PCNX3: variants seen among roughly 807,000 people sequenced by gnomAD.
The protein encoded by PCNX3 is pecanex 3, also known as pecanex-like protein 3.
Under a neutral mutation model 207.2 loss-of-function variants are expected in PCNX3, and 58 were observed. The ratio of observed to expected loss-of-function variants is 0.28; its 90% CI spans 0.23 to 0.35. The LOEUF (loss-of-function observed/expected upper bound fraction) is 0.35. PCNX3 is among the 10% of genes least tolerant of loss of function. The probability of loss-of-function intolerance (pLI) is 1.00; values close to 1 mark genes in which losing one functional copy is unlikely to be tolerated. For missense variants in PCNX3, 2,410 were observed against 2,774.4 expected, an observed-to-expected ratio of 0.87 and a Z score of 2.95; for synonymous variants, 1,337 against 1,183.5, an observed-to-expected ratio of 1.13 and a Z score of -2.66.
chr11:65,634,006 G>C (rs747473387), intron 27 of PCNX3, 120 bp from the exon 28 acceptor site: 5 of 917,396 alleles, frequency 5.5e-6, no homozygotes, highest in African/African-American at 1.7e-5. Flanking sequence ...CTCTAGGAGC[G>C]GGGCATCCCA....
At chr11:65,617,532 T>C (rs533421900) in intron 4 of PCNX3, 23 bp downstream of exon 4, 1 of 1,613,926 alleles carries the variant, frequency 6.2e-7, no homozygotes, top group African/African-American at 1.3e-5. Context: ...TCTTCAGGGT[T>C]GGAGCATAGT....
At chr11:65,627,646 G>A (rs1204795915) in intron 22 of PCNX3, 64 bp downstream of exon 22, 6 of 1,561,906 alleles carry the variant, frequency 3.8e-6, no homozygotes, top group Non-Finnish European at 5.3e-6. Flanking sequence ...ACTTCTGCCT[G>A]GGTGGGAAGA....
chr11:65,619,756 G>T lies in PCNX3; in HGVS notation c.1832G>T (p.Ser611Ile). 1.9e-6 allele frequency: 3 copies of T among 1,567,644 alleles called. No individual in the cohort carries two copies. The highest frequency in any genetic ancestry group is 1.8e-5 in the Admixed American group (1 of 55,160). Reference protein sequence around the residue: ...PASVMGSPPSSLQEAQRGRAA... With the variant: ...PASVMGSPPSILQEAQRGRAA... ...GACCTGGGGCTGACCCTCTCCAGCA[G>T]CCTGCAGGAAGCTCAGCGGGGCCGG... The change falls in exon 8 of 35, where the codon AGC becomes ATC. Residue 611 changes from serine to isoleucine, a missense_variant and splice_region_variant. Around this residue, in one of 8 missense-constraint regions of PCNX3, gnomAD observed 1,104 missense variants for 970.3 expected, o/e 1.14. Coordinates refer to ENST00000355703, the MANE Select transcript of PCNX3 (RefSeq NM_032223.4).
rs765216937 is a variant in PCNX3 at position 65,619,857 on chromosome 11, G to A, written c.1933G>A (p.Gly645Ser). ...FASSLLLTRA[G>S]ANVHEACTFD... ...CTCTTCACTGTTGCTCACCCGGGCC[G>A]GTGCCAATGTGCATGAGGCCTGCAC... The change falls in exon 8 of 35, where the codon GGT becomes AGT. Residue 645 changes from glycine (G) to serine (S), a missense_variant. Gly to Ser is a moderately conservative substitution (Grantham distance 56). This residue lies in a region of PCNX3 where 1,104 missense variants were observed against 970.3 expected (regional missense o/e 1.14). Coordinates refer to ENST00000355703, the MANE Select transcript of PCNX3 (RefSeq NM_032223.4). 21 of 1,610,140 alleles carry A rather than the reference G, an allele frequency of 1.3e-5. No individual in the cohort carries two copies. Among genetic ancestry groups the A allele is most frequent in the African/African-American group, 4.0e-5 (3 of 74,924 alleles).
At chr11:65,622,188 C>T (rs1337440815) in intron 10 of PCNX3, 57 bp from the exon 11 acceptor site, 8 of 1,553,082 alleles carry the variant, frequency 5.2e-6, no homozygotes, top group Non-Finnish European at 7.0e-6. Flanking sequence ...CTGACGGCCG[C>T]GGCTGTGGGG....
chr11:65,622,425 C>T, intron 11 of PCNX3, 59 bp downstream of exon 11: 2 of 1,528,242 alleles, frequency 1.3e-6, no homozygotes, highest in Non-Finnish European at 1.8e-6. Context: ...CTTGGCTCCC[C>T]AGACTCTGTA....
intron 27 of PCNX3, among the ~76,000 whole-genome samples, chr11:65,631,702 G>T (rs548392521): frequency 6.6e-6 from 1 of 151,856 alleles, no homozygotes; most frequent in South Asian, 2.1e-4. Flanking sequence ...CAGAATAAGC[G>T]TACTGGGAGT....
intron 15 of PCNX3, 146 bp from the exon 16 acceptor site, chr11:65,624,779 G>C: frequency 1.1e-6 from 1 of 944,172 alleles, no homozygotes; most frequent in South Asian, 1.7e-5. Context: ...TCTAAAGGCC[G>C]CTTGGGGCTT....
chr11:65,626,040 A>T lies in PCNX3; in HGVS notation c.3365A>T (p.Gln1122Leu). 6.2e-7 allele frequency: 1 copy of T among 1,609,174 alleles called. No homozygotes were observed. Among genetic ancestry groups the T allele is most frequent in the Non-Finnish European group, 8.5e-7 (1 of 1,178,030 alleles). The change falls in exon 20 of 35, where the codon CAG becomes CTG. Residue 1122 changes from glutamine (Q) to leucine (L), a missense_variant. Around this residue, in one of 8 missense-constraint regions of PCNX3, gnomAD observed 333 missense variants for 386.8 expected, o/e 0.86. Transcript: ENST00000355703. ...QPVLKPLEYS[Q>L]YEVRGAAQVM... is the part of the protein sequence containing the mutation. ...GTGCTGAAGCCGCTGGAGTACAGCC[A>T]GTATGAAGTGCGCGGTGAGTGCCCA...
At chr11:65,624,169 C>G (rs1427346328) in intron 13 of PCNX3, 26 bp from the exon 14 acceptor site, 26 of 1,591,420 alleles carry the variant, frequency 1.6e-5, no homozygotes, top group Non-Finnish European at 2.1e-5. Flanking sequence ...CGGGGAGACC[C>G]AGCTCCTCAT....
At chr11:65,619,193 G>A (rs919993530) in intron 6 of PCNX3, 126 bp downstream of exon 6, 9 of 836,480 alleles carry the variant, frequency 1.1e-5, no homozygotes, top group Middle Eastern at 3.6e-4. Context: ...GCAGATGGAC[G>A]TGGGCCTGGT....
chr11:65,630,702 G>C (rs904258453), intron 27 of PCNX3, 98 bp downstream of exon 27: 2 of 1,477,312 alleles, frequency 1.4e-6, no homozygotes, highest in African/African-American at 1.4e-5. Context: ...TTGGGAGCCT[G>C]TTTTGTCCAA....
At chr11:65,621,916 A>G (rs1197523682) in intron 10 of PCNX3, among the ~76,000 whole-genome samples, 2 of 152,194 alleles carry the variant, frequency 1.3e-5, no homozygotes, top group Admixed American at 1.3e-4. Context: ...CCAAAGGACA[A>G]GTGGACTTCC....
rs558941744 is a variant in PCNX3 at position 65,632,562 on chromosome 11, G to A, written c.4471-1564G>A. Among the ~76,000 whole-genome samples, 3 of 130,806 alleles carry A rather than the reference G, an allele frequency of 2.3e-5. No individual in the cohort carries two copies. In the South Asian group the frequency reaches 1.1e-3, roughly 49 times the overall value. The allele number at this position is 130,806 out of a possible 152,430, so 85.8% of individuals were successfully genotyped here. ...GCAGTGCTTCCCGGGAAGTACCTTG[G>A]GCAGAGCCCAGCTCGCAGTGAGCGC... On this transcript the variant is annotated intron_variant, in intron 27 of 34. Coordinates refer to ENST00000355703, the MANE Select transcript of PCNX3 (RefSeq NM_032223.4).
intron 1 of PCNX3, 106 bp from the exon 2 acceptor site, chr11:65,616,718 G>A (rs779548509): frequency 9.2e-6 from 12 of 1,308,022 alleles, no homozygotes; most frequent in Admixed American, 2.2e-5. Flanking sequence ...GAGAGGTGAT[G>A]AAATTTTCTT....
Position 65,627,372 on chromosome 11 carries a change from A to G in PCNX3, c.3525-33A>G, listed in dbSNP as rs377714536. On this transcript the variant is annotated intron_variant, in intron 21 of 34. Transcript: ENST00000355703. ...CCTATACCCACTGCCCCGGTCCCCT[A>G]CCAAGCACCCGATGCCTGCCCCTTG... 3.1e-5 allele frequency: 49 copies of G among 1,597,528 alleles called. No individual in the cohort carries two copies. The African/African-American group carries it at 5.2e-4, about 17-fold the overall frequency.
chr11:65,633,572 C>G (rs1855699381), intron 27 of PCNX3, among the ~76,000 whole-genome samples: 1 of 152,244 alleles, frequency 6.6e-6, no homozygotes, highest in Admixed American at 6.5e-5. Flanking sequence ...TCTGGATGCT[C>G]CCGCGCTCGG....
At chr11:65,616,717 T>C (rs1018043917) in intron 1 of PCNX3, 107 bp from the exon 2 acceptor site, 8 of 1,289,780 alleles carry the variant, frequency 6.2e-6, no homozygotes, top group Non-Finnish European at 1.1e-6. Flanking sequence ...GGAGAGGTGA[T>C]GAAATTTTCT....
Position 65,633,733 on chromosome 11 carries a change from A to G in PCNX3, c.4471-393A>G, listed in dbSNP as rs529104834. 2.6e-4 allele frequency among the ~76,000 whole-genome samples: 39 copies of G among 152,022 alleles called. No individual in the cohort carries two copies. In the Middle Eastern group the frequency reaches 0.01, roughly 40 times the overall value. ...GTTCAGGGCAGGTGGGGCCAGCTCC[A>G]CCTTGATGACTTGGAAGCTGAGGTG... On this transcript the variant is annotated intron_variant, in intron 27 of 34. Coordinates refer to ENST00000355703, the MANE Select transcript of PCNX3 (RefSeq NM_032223.4).
Sources: allele counts gnomAD v4.1 joint callset (sites outside exome capture counted in the v4.1 genomes callset), GRCh38; gene constraint gnomAD v4.1.1; regional missense constraint gnomAD v4.1.1; transcripts MANE v1.5; gene names NCBI Gene and HGNC (gene_info 2026-07-23, HGNC 2026-07-21).